Variants in SLC35F1 observed in about 807,000 individuals in gnomAD.
The protein encoded by SLC35F1 is chromosome 6 open reading frame 169.
In SLC35F1, 14 loss-of-function variants were observed where a neutral mutation model predicts 48.7. The ratio of observed to expected loss-of-function variants is 0.29; its 90% confidence interval spans 0.19 to 0.45. The LOEUF (loss-of-function observed/expected upper bound fraction) is 0.45. SLC35F1 is among the 20% of genes least tolerant of loss of function. The pLI is 1.00. For missense variants in SLC35F1, 404 were observed against 500.0 expected (o/e 0.81, Z 1.83); for synonymous variants, 190 against 202.2 (o/e 0.94, Z 0.51).
chr6:118,259,115 T>C (rs181724030), intron 3 of SLC35F1, among the ~76,000 whole-genome samples: 9 of 151,770 alleles, frequency 5.9e-5, no homozygotes, highest in Non-Finnish European at 1.2e-4. Context: ...ATATCAGTAA[T>C]AATACTAATA....
chr6:118,143,801 C>T (rs1326587479), intron 1 of SLC35F1, among the ~76,000 whole-genome samples: 1 of 152,122 alleles, frequency 6.6e-6, no homozygotes, highest in Non-Finnish European at 1.5e-5. Context: ...CTTATTTAAT[C>T]CTCATGACAG....
intron 1 of SLC35F1, among the ~76,000 whole-genome samples, chr6:117,965,805 T>C (rs910753497): frequency 6.6e-6 from 1 of 152,184 alleles, no homozygotes; most frequent in Non-Finnish European, 1.5e-5. Flanking sequence ...TCTGTCTAGC[T>C]AAAGGATTGT....
At position 118,117,835 on chromosome 6, in the gene SLC35F1, G is replaced by T. The variant is rs75316467; in HGVS notation, c.174-36610G>T. On this transcript the variant is annotated intron_variant, in intron 1 of 7. Transcript: ENST00000360388. ...TTATATAAATGAAGTCACACACCGTGCATTCTCCTTGGGGTTTGACTTTTT... is the reference window on the plus strand; with the variant it reads ...TTATATAAATGAAGTCACACACCGTTCATTCTCCTTGGGGTTTGACTTTTT... Among the ~76,000 whole-genome samples the T allele has an allele frequency of 8.2e-3, 1,242 of 152,200 alleles. 41 individuals carry two copies. Among genetic ancestry groups the T allele is most frequent in the Admixed American group, 0.067 (1,019 of 15,268 alleles).
At chr6:118,257,157 ACTGT>A (rs1775656059) in intron 3 of SLC35F1, among the ~76,000 whole-genome samples, 1 of 151,718 alleles carries the variant, frequency 6.6e-6, no homozygotes, top group African/African-American at 2.4e-5. Flanking sequence ...ATGGGAAAAA[ACTGT>A]CTCTCTCTCT....
At chr6:118,105,238 T>C (rs1482559167) in intron 1 of SLC35F1, among the ~76,000 whole-genome samples, 2 of 152,200 alleles carry the variant, frequency 1.3e-5, no homozygotes, top group African/African-American at 2.4e-5. Context: ...TGCTCATTCA[T>C]TGAAGACTTT....
chr6:118,303,235 T>C (rs1776274815), intron 7 of SLC35F1, among the ~76,000 whole-genome samples: 1 of 152,136 alleles, frequency 6.6e-6, no homozygotes, highest in Non-Finnish European at 1.5e-5. Context: ...TTGCTATAAA[T>C]TGAAAAAGAA....
chr6:118,241,134 A>T (rs930084183), intron 3 of SLC35F1, among the ~76,000 whole-genome samples: 1 of 152,208 alleles, frequency 6.6e-6, no homozygotes. Flanking sequence ...TGCCAGAATG[A>T]CTTAATGTTG....
rs796142501 is a variant in SLC35F1 at position 118,014,576 on chromosome 6, T to C, written c.173+106677T>C. Among the ~76,000 whole-genome samples the C allele has an allele frequency of 3.8e-4, 58 of 152,252 alleles. 1 individual carries two copies. Among genetic ancestry groups the C allele is most frequent in the African/African-American group, 1.3e-3 (56 of 41,550 alleles). ...TTTAAAACCCAATTGTAATCAGATA[T>C]CTTCTTGGGGGTTGGTGTGGTCATG... is the stretch of plus-strand genomic sequence containing the variant. On this transcript the variant is annotated intron_variant, in intron 1 of 7. Coordinates refer to ENST00000360388, the MANE Select transcript of SLC35F1 (RefSeq NM_001029858.4).
At chr6:117,963,850 AGGATGTGCG>A (rs1412635610) in intron 1 of SLC35F1, among the ~76,000 whole-genome samples, 7 of 146,020 alleles carry the variant, frequency 4.8e-5, no homozygotes, top group African/African-American at 1.3e-4. Context: ...ATACATGTGC[AGGATGTGCG>A]GGTTTGTTAC....
At chr6:118,110,676 C>G (rs887352086) in intron 1 of SLC35F1, among the ~76,000 whole-genome samples, 4 of 152,122 alleles carry the variant, frequency 2.6e-5, no homozygotes, top group Non-Finnish European at 4.4e-5. Flanking sequence ...TTTTGTCTCT[C>G]CTATTGTCTC....
At chr6:117,958,977 G>A (rs910658228) in intron 1 of SLC35F1, among the ~76,000 whole-genome samples, 2 of 152,168 alleles carry the variant, frequency 1.3e-5, no homozygotes, top group Admixed American at 6.5e-5. Flanking sequence ...TGGAATTCCT[G>A]TTTTGGAGAG....
intron 2 of SLC35F1, among the ~76,000 whole-genome samples, chr6:118,180,295 C>G (rs982316554): frequency 6.6e-6 from 1 of 152,120 alleles, no homozygotes; most frequent in Non-Finnish European, 1.5e-5. Context: ...TCCCACAGGT[C>G]AAGTTCTAAG....
chr6:117,929,043 G>A (rs1299159663), intron 1 of SLC35F1, among the ~76,000 whole-genome samples: 4 of 151,982 alleles, frequency 2.6e-5, no homozygotes, highest in Non-Finnish European at 5.9e-5. Flanking sequence ...AAACTTACGA[G>A]ATCACCACAT....
intron 1 of SLC35F1, among the ~76,000 whole-genome samples, chr6:118,041,963 T>C (rs1033152071): frequency 1.3e-5 from 2 of 151,798 alleles, no homozygotes; most frequent in Non-Finnish European, 2.9e-5. Flanking sequence ...AAAAGCATCA[T>C]CTGTACTTAA....
chr6:117,994,287 C>T (rs1776957620), intron 1 of SLC35F1, among the ~76,000 whole-genome samples: 1 of 152,156 alleles, frequency 6.6e-6, no homozygotes, highest in African/African-American at 2.4e-5. Context: ...CTGCATCTCT[C>T]TGGCTCCAGC....
At chr6:118,148,474 G>C (rs1774007980) in intron 1 of SLC35F1, among the ~76,000 whole-genome samples, 1 of 151,802 alleles carries the variant, frequency 6.6e-6, no homozygotes, top group Non-Finnish European at 1.5e-5. Flanking sequence ...CGAAGTGCCG[G>C]TGGTAATGGT....
chr6:118,091,728 G>A (rs1043565202), intron 1 of SLC35F1, among the ~76,000 whole-genome samples: 2 of 152,224 alleles, frequency 1.3e-5, no homozygotes, highest in Non-Finnish European at 2.9e-5. Flanking sequence ...CAGTTTGGAG[G>A]CCTCAGAAGA....
intron 2 of SLC35F1, among the ~76,000 whole-genome samples, chr6:118,163,424 T>TCACACA (rs67416879): frequency 5.3e-5 from 8 of 150,108 alleles, no homozygotes; most frequent in African/African-American, 7.3e-5. Context: ...ACACTCACAC[T>TCACACA]CACACACACA....
chr6:118,012,377 G>T (rs936012964), intron 1 of SLC35F1, among the ~76,000 whole-genome samples: 8 of 151,516 alleles, frequency 5.3e-5, no homozygotes, highest in African/African-American at 1.9e-4. Flanking sequence ...CTCTGGATAC[G>T]TGACTGTGAG....
Sources: gnomAD v4.1 joint callset for allele counts (sites outside exome capture counted in the v4.1 genomes callset) on GRCh38, gnomAD v4.1.1 for gene constraint, MANE v1.5 for transcripts, NCBI Gene and HGNC (gene_info 2026-07-23, HGNC 2026-07-21) for gene names.